Variants in MAEL observed in about 807,000 individuals in gnomAD.
The protein encoded by MAEL is maelstrom spermatogenic transposon silencer, also known as protein maelstrom homolog.
In MAEL, 46 loss-of-function variants were observed where a neutral mutation model predicts 62.0. That is an observed-to-expected ratio of 0.74 (90% CI 0.59 to 0.95). The LOEUF is 0.95. MAEL is among the 40% of genes least tolerant of loss of function. The probability of loss-of-function intolerance (pLI) is 0.00; values close to 1 mark genes in which losing one functional copy is unlikely to be tolerated. For synonymous variants in MAEL, 172 were observed against 175.5 expected (o/e 0.98, Z 0.16); for missense variants, 497 against 526.8 (o/e 0.94, Z 0.55).
chr1:166,994,254 T>C (rs1664313560), intron 5 of MAEL, among the ~76,000 whole-genome samples, 185 bp downstream of exon 5: 1 of 152,364 alleles, frequency 6.6e-6, no homozygotes, highest in East Asian at 1.9e-4. Flanking sequence ...GATAGTATAC[T>C]GTCCCTTTTC....
At chr1:167,018,026 C>G (rs1220794488) in intron 10 of MAEL, 67 bp downstream of exon 10, 22 of 1,479,274 alleles carry the variant, frequency 1.5e-5, no homozygotes, top group Non-Finnish European at 1.9e-5. Context: ...TTCTGGCCAA[C>G]AGAAACAAAA....
intron 8 of MAEL, among the ~76,000 whole-genome samples, chr1:167,013,752 A>C (rs995981610): frequency 1.2e-4 from 19 of 152,134 alleles, no homozygotes; most frequent in Admixed American, 1.0e-3. Flanking sequence ...CATATTGTTC[A>C]GTGGGGATTG....
chr1:166,991,432 G>A lies in MAEL; in HGVS notation c.280G>A (p.Val94Ile). ...RPGMLVPKQN[V>I]SPPDMSALSL... ...AGGCATGCTTGTACCAAAGCAGAAT[G>A]TTTCACCTCCAGATATGTCAGCTTT... The change falls in exon 3 of 12, where the codon GTT becomes ATT. Residue 94 changes from valine to isoleucine, a missense_variant. Physicochemically the swap from Val to Ile is conservative, Grantham distance 29 (BLOSUM62 3). Transcript: ENST00000367872. The A allele has an allele frequency of 6.2e-7, 1 of 1,613,432 alleles. No individual in the cohort carries two copies. Among genetic ancestry groups the A allele is most frequent in the Non-Finnish European group, 8.5e-7 (1 of 1,179,518 alleles).
intron 5 of MAEL, among the ~76,000 whole-genome samples, chr1:166,998,581 T>C (rs1664526592): frequency 6.6e-6 from 1 of 152,308 alleles, no homozygotes; most frequent in Non-Finnish European, 1.5e-5. Flanking sequence ...ACCTCTAGTT[T>C]CTAGTGTTTC....
intron 3 of MAEL, among the ~76,000 whole-genome samples, chr1:166,992,187 G>A (rs1664206004): frequency 6.6e-6 from 1 of 152,010 alleles, no homozygotes; most frequent in Non-Finnish European, 1.5e-5. Context: ...TCCAGTCTTG[G>A]TAAATAACAC....
Position 167,006,639 on chromosome 1 carries a change from A to AC in MAEL, c.845+1242_845+1243insC, listed in dbSNP as rs1206073148. Among the ~76,000 whole-genome samples the AC allele has an allele frequency of 6.3e-3, 548 of 86,344 alleles. 3 individuals are homozygous for AC. Among genetic ancestry groups the AC allele is most frequent in the Non-Finnish European group, 0.011 (427 of 40,288 alleles). 56.6% of individuals were successfully genotyped at this position (86,344 alleles called of 152,430 possible). A position where few individuals can be genotyped will look rare whatever the true frequency, so the allele number is the denominator to read the frequency against. ...TATATATATATATATATATATATACATTTTTTTTTTTTTTGAGACAGAGTC... is the reference window on the plus strand; with the variant it reads ...TATATATATATATATATATATATACACTTTTTTTTTTTTTTGAGACAGAGTC... On this transcript the variant is annotated intron_variant, in intron 8 of 11. Coordinates refer to ENST00000367872, the MANE Select transcript of MAEL (RefSeq NM_032858.3).
intron 1 of MAEL, among the ~76,000 whole-genome samples, chr1:166,977,707 A>G (rs1157749250): frequency 1.3e-5 from 2 of 152,206 alleles, no homozygotes; most frequent in African/African-American, 2.4e-5. Context: ...TAATCTCAGC[A>G]CTTCGGGAAG....
chr1:166,999,295 A>G (rs1263705493), intron 5 of MAEL, among the ~76,000 whole-genome samples: 1 of 152,186 alleles, frequency 6.6e-6, no homozygotes, highest in Non-Finnish European at 1.5e-5. Flanking sequence ...TTTATGTACT[A>G]CTCCAGTGAA....
At chr1:166,986,021 T>C (rs1266157883), upstream of MAEL, among the ~76,000 whole-genome samples, 2 of 152,056 alleles carry the variant, frequency 1.3e-5, no homozygotes, top group Admixed American at 6.6e-5. Flanking sequence ...CTTCTAGAGA[T>C]GAAAATAAAC....
chr1:166,978,651 C>T (rs1663666218), intron 1 of MAEL, among the ~76,000 whole-genome samples: 1 of 152,164 alleles, frequency 6.6e-6, no homozygotes, highest in Admixed American at 6.5e-5. Context: ...CCAGGTGCTT[C>T]CAATGCACAG....
intron 1 of MAEL, among the ~76,000 whole-genome samples, chr1:166,979,672 C>T (rs1663700635): frequency 6.6e-6 from 1 of 152,140 alleles, no homozygotes; most frequent in South Asian, 2.1e-4. Flanking sequence ...TTGAAAATTC[C>T]ATGTACTTCC....
intron 1 of MAEL, among the ~76,000 whole-genome samples, chr1:166,977,137 G>A (rs1663616448): frequency 6.6e-6 from 1 of 152,198 alleles, no homozygotes; most frequent in African/African-American, 2.4e-5. Flanking sequence ...ATTTTTGGCT[G>A]TGGTCTTGCA....
intron 2 of MAEL, among the ~76,000 whole-genome samples, chr1:166,990,878 A>C (rs909408020): frequency 5.3e-5 from 8 of 152,192 alleles, no homozygotes; most frequent in Non-Finnish European, 1.2e-4. Context: ...AGATAGTTTT[A>C]TTTTGTGGAT....
intron 8 of MAEL, among the ~76,000 whole-genome samples, chr1:167,010,844 T>C (rs1665141303): frequency 6.6e-6 from 1 of 152,196 alleles, no homozygotes; most frequent in Non-Finnish European, 1.5e-5. Context: ...GCTGATAATT[T>C]AGCGGGAGGT....
intron 6 of MAEL, among the ~76,000 whole-genome samples, chr1:167,004,530 G>A (rs1265399020): frequency 2.6e-5 from 4 of 152,128 alleles, no homozygotes; most frequent in African/African-American, 7.2e-5. Flanking sequence ...ATCTATTTTG[G>A]TAGAGTTCAT....
intron 5 of MAEL, among the ~76,000 whole-genome samples, chr1:167,003,862 T>G (rs557994557): frequency 7.5e-4 from 114 of 152,300 alleles, no homozygotes; most frequent in Middle Eastern, 3.4e-3. Context: ...ATGGGAATAG[T>G]AAAACACCGC....
chr1:166,985,918 G>C (rs143146885), upstream of MAEL, among the ~76,000 whole-genome samples: 2 of 152,114 alleles, frequency 1.3e-5, no homozygotes, highest in African/African-American at 4.8e-5. Context: ...TGTTGCAACT[G>C]TATTCCATGT....
intron 6 of MAEL, among the ~76,000 whole-genome samples, chr1:167,004,699 G>A (rs1274880593): frequency 6.6e-6 from 1 of 152,094 alleles, no homozygotes; most frequent in African/African-American, 2.4e-5. Context: ...GTAATATTTA[G>A]AGAGATTATA....
chr1:167,005,180 T>C, intron 7 of MAEL, 50 bp downstream of exon 7: 1 of 1,610,696 alleles, frequency 6.2e-7, no homozygotes, highest in Non-Finnish European at 8.5e-7. Context: ...TTAATATCTG[T>C]ATTTGTTTCC....
Sources: allele counts gnomAD v4.1 joint callset (sites outside exome capture counted in the v4.1 genomes callset), GRCh38; gene constraint gnomAD v4.1.1; transcripts MANE v1.5; gene names NCBI Gene and HGNC (gene_info 2026-07-23, HGNC 2026-07-21).